The following CCDC178 variants were observed in gnomAD, a reference collection of about 807,000 sequenced individuals.
CCDC178 encodes the protein coiled-coil domain containing 178, also known as coiled-coil domain-containing protein 178.
In CCDC178, 126 loss-of-function variants were observed where a neutral mutation model predicts 117.4. The observed-to-expected ratio is 1.07, with a 90% CI of 0.93 to 1.24. CCDC178 has a LOEUF of 1.24. Ranked by LOEUF, CCDC178 falls within the 50% of genes most tolerant of loss-of-function variation. The pLI is 0.00. For synonymous variants in CCDC178, 283 were observed against 313.4 expected (o/e 0.90, Z 1.02); for missense variants, 1,030 against 986.9 (o/e 1.04, Z -0.59).
intron 2 of CCDC178, among the ~76,000 whole-genome samples, chr18:33,421,115 A>G (rs1476047917): frequency 2.0e-5 from 3 of 152,222 alleles, no homozygotes; most frequent in East Asian, 1.9e-4. Context: ...GGAATGTGCC[A>G]AAGGATTTTA....
chr18:33,245,443 C>A lies in CCDC178; in HGVS notation c.1410-15G>T. On this transcript the variant is annotated splice_polypyrimidine_tract_variant and intron_variant, in intron 14 of 22. Transcript: ENST00000383096. Reference sequence around the variant, plus strand: ...TTTTCCGTATGCTGTAAAAGTAAAGCAAAAATTAATATTATTGAGTATATA... The same window carrying A: ...TTTTCCGTATGCTGTAAAAGTAAAGAAAAAATTAATATTATTGAGTATATA... 7 of 1,482,908 alleles carry A rather than the reference C, an allele frequency of 4.7e-6. No homozygotes were observed. Among genetic ancestry groups the A allele is most frequent in the African/African-American group, 2.9e-5 (2 of 69,940 alleles). The allele number at this position is 1,482,908 out of a possible 1,614,324, so 91.9% of individuals were successfully genotyped here.
chr18:33,148,410 C>T (rs1008794412), intron 20 of CCDC178, among the ~76,000 whole-genome samples: 43 of 150,064 alleles, frequency 2.9e-4, no homozygotes, highest in African/African-American at 7.9e-4. Context: ...AGAGGGAGAC[C>T]GTGGAGAGAG....
chr18:33,440,340 T>TG (rs1217076491), intron 1 of CCDC178: 2 of 9,794 alleles, frequency 2.0e-4, no homozygotes, highest in African/African-American at 4.1e-4. Context: ...ACTGGGGGAC[T>TG]GGGGACAGGG....
chr18:32,986,651 G>A (rs1210966017), intron 21 of CCDC178, among the ~76,000 whole-genome samples: 1 of 152,056 alleles, frequency 6.6e-6, no homozygotes, highest in Non-Finnish European at 1.5e-5. Context: ...ATGATTTCAT[G>A]GAGAGGCTCT....
At chr18:33,413,431 CAT>C (rs1008024617) in intron 2 of CCDC178, among the ~76,000 whole-genome samples, 2 of 151,462 alleles carry the variant, frequency 1.3e-5, no homozygotes, top group African/African-American at 4.9e-5. Context: ...ATAGTTAAAA[CAT>C]ATAATTTTAT....
intron 21 of CCDC178, among the ~76,000 whole-genome samples, chr18:33,080,782 T>C (rs1478456650): frequency 4.6e-5 from 7 of 152,172 alleles, no homozygotes; most frequent in South Asian, 2.1e-4. Flanking sequence ...ATATCTGTAA[T>C]TGGTCAACAT....
chr18:33,204,842 C>T (rs1013743373), intron 20 of CCDC178, among the ~76,000 whole-genome samples: 1 of 151,882 alleles, frequency 6.6e-6, no homozygotes, highest in African/African-American at 2.4e-5. Flanking sequence ...ATGCAAAAGA[C>T]TAAACACTTT....
intron 2 of CCDC178, among the ~76,000 whole-genome samples, chr18:33,439,460 T>C (rs1056368683): frequency 6.6e-6 from 1 of 152,210 alleles, no homozygotes; most frequent in Admixed American, 6.5e-5. Flanking sequence ...TAGACAGATA[T>C]AGTTTATAAT....
intron 14 of CCDC178, among the ~76,000 whole-genome samples, chr18:33,260,373 G>C (rs1020759075): frequency 6.6e-6 from 1 of 151,654 alleles, no homozygotes; most frequent in Non-Finnish European, 1.5e-5. Flanking sequence ...TTTGTGAAGT[G>C]ACTGTTCAGT....
At chr18:33,293,717 A>G (rs942987991) in intron 11 of CCDC178, among the ~76,000 whole-genome samples, 3 of 152,166 alleles carry the variant, frequency 2.0e-5, no homozygotes, top group Admixed American at 6.5e-5. Context: ...ATTAGCTTTA[A>G]CACACCGATG....
At position 33,367,004 on chromosome 18, in the gene CCDC178, A is replaced by C. The variant is rs190044558; in HGVS notation, c.348+3046T>G. Among the ~76,000 whole-genome samples the C allele has an allele frequency of 6.6e-5, 10 of 152,138 alleles. No individual in the cohort carries two copies. The East Asian group carries it at 1.9e-3, about 29-fold the overall frequency. Reference sequence around the variant, plus strand: ...TTGAGAAGAAATATCCCTTTTCTGCATTTCCCTCAGACATTCTGGAGGAAA... The same window carrying C: ...TTGAGAAGAAATATCCCTTTTCTGCCTTTCCCTCAGACATTCTGGAGGAAA... On this transcript the variant is annotated intron_variant, in intron 6 of 22. Coordinates refer to ENST00000383096, the MANE Select transcript of CCDC178 (RefSeq NM_001105528.4).
chr18:32,979,023 T>A (rs2055087450), intron 21 of CCDC178, among the ~76,000 whole-genome samples: 1 of 139,502 alleles, frequency 7.2e-6, no homozygotes, highest in South Asian at 2.2e-4. Flanking sequence ...GGAGACAGAG[T>A]GAGAATCCGT....
chr18:33,284,026 C>T (rs572139516), intron 12 of CCDC178, among the ~76,000 whole-genome samples: 2 of 152,294 alleles, frequency 1.3e-5, no homozygotes, highest in East Asian at 3.9e-4. Flanking sequence ...TAATGATAGA[C>T]CTGGCAAAGA....
intron 21 of CCDC178, among the ~76,000 whole-genome samples, chr18:33,091,775 A>G (rs2057470953): frequency 6.6e-6 from 1 of 152,196 alleles, no homozygotes; most frequent in Admixed American, 6.5e-5. Flanking sequence ...TTACAGTCGT[A>G]TAGCATCCCT....
chr18:33,261,127 A>G (rs1425633848), intron 14 of CCDC178, among the ~76,000 whole-genome samples: 1 of 151,650 alleles, frequency 6.6e-6, no homozygotes, highest in Non-Finnish European at 1.5e-5. Context: ...TCTGTCGCCC[A>G]GGCTGGAGTG....
At chr18:33,247,499 G>A (rs1325329671) in intron 14 of CCDC178, among the ~76,000 whole-genome samples, 1 of 151,728 alleles carries the variant, frequency 6.6e-6, no homozygotes, top group Non-Finnish European at 1.5e-5. Context: ...ATTGAGAAGA[G>A]ACAAAGAGAG....
intron 20 of CCDC178, among the ~76,000 whole-genome samples, chr18:33,144,995 C>T (rs534771450): frequency 3.7e-4 from 57 of 152,198 alleles, no homozygotes; most frequent in South Asian, 1.9e-3. Flanking sequence ...ATAATGCATA[C>T]GCATTATTTC....
intron 20 of CCDC178, among the ~76,000 whole-genome samples, chr18:33,205,949 C>T (rs909813119): frequency 3.9e-5 from 6 of 152,162 alleles, no homozygotes; most frequent in African/African-American, 1.2e-4. Context: ...CCACTTTGGC[C>T]TTCTAAAGTG....
intron 18 of CCDC178, among the ~76,000 whole-genome samples, chr18:33,221,272 T>G (rs550037709): frequency 6.6e-6 from 1 of 152,230 alleles, no homozygotes; most frequent in East Asian, 1.9e-4. Context: ...CTCCTTCTTT[T>G]GGCTAAAAAG....
Sources: allele counts gnomAD v4.1 joint callset (sites outside exome capture counted in the v4.1 genomes callset), GRCh38; gene constraint gnomAD v4.1.1; transcripts MANE v1.5; gene names NCBI Gene and HGNC (gene_info 2026-07-23, HGNC 2026-07-21).